Variants in ATXN1 observed in about 807,000 individuals in gnomAD.
The protein encoded by ATXN1 is ataxin-1.
In ATXN1, 8 loss-of-function variants were observed where a neutral mutation model predicts 56.4. The ratio of observed to expected loss-of-function variants is 0.14; its 90% CI spans 0.08 to 0.26. The LOEUF is 0.26. Among genes scored for constraint, ATXN1 ranks in the 10% least tolerant of loss-of-function variants. ATXN1 has a pLI of 1.00. For synonymous variants in ATXN1, 514 were observed against 494.6 expected, an observed-to-expected ratio of 1.04 and a Z score of -0.52; for missense variants, 987 against 1,106.5, an observed-to-expected ratio of 0.89 and a Z score of 1.53.
chr6:16,481,387 C>T (rs981459), intron 6 of ATXN1, among the ~76,000 whole-genome samples: 70,958 of 151,788 alleles, frequency 0.47, 16,911 homozygotes, highest in Non-Finnish European at 0.51. Flanking sequence ...TTAGAGTGTG[C>T]GTGTGTGTGC....
At chr6:16,662,056 T>C (rs568083172) in intron 2 of ATXN1, among the ~76,000 whole-genome samples, 3 of 152,326 alleles carry the variant, frequency 2.0e-5, no homozygotes, top group Admixed American at 1.3e-4. Context: ...TGAAACACTC[T>C]TCTGGGAACT....
intron 2 of ATXN1, among the ~76,000 whole-genome samples, chr6:16,686,503 C>CACAGTTTTGCGTGG (rs6149447): frequency 1.3e-5 from 2 of 151,924 alleles, no homozygotes. Flanking sequence ...GCATGCAACA[C>CACAGTTTTGCGTGG]ATTATGCCGA....
rs188203114 is a variant in ATXN1, at chr6:16,520,557, A to G, written c.-299+2070T>C. Among the ~76,000 whole-genome samples the G allele has an allele frequency of 3.9e-5, 6 of 152,280 alleles. No individual in the cohort carries two copies. In the East Asian group the frequency reaches 9.6e-4, roughly 24 times the overall value. On this transcript the variant is annotated intron_variant, in intron 5 of 7. Coordinates refer to ENST00000436367, the MANE Select transcript of ATXN1 (RefSeq NM_001128164.2). ...TTTACCCAAAGAATCCTATGATGTA[A>G]GCATGGAAATGGACATTTCTTCACT...
At chr6:16,497,258 G>C (rs1274802839) in intron 5 of ATXN1, among the ~76,000 whole-genome samples, 1 of 151,422 alleles carries the variant, frequency 6.6e-6, no homozygotes, top group Non-Finnish European at 1.5e-5. Context: ...TCAGATTGCA[G>C]CATTCCTCCC....
At chr6:16,400,024 G>C (rs1292795646) in intron 6 of ATXN1, among the ~76,000 whole-genome samples, 2 of 152,140 alleles carry the variant, frequency 1.3e-5, no homozygotes, top group Non-Finnish European at 2.9e-5. Context: ...GGAGCATGTG[G>C]GAAATGCAGA....
chr6:16,503,451 C>T (rs1209027672), intron 5 of ATXN1, among the ~76,000 whole-genome samples: 3 of 152,202 alleles, frequency 2.0e-5, no homozygotes, highest in Non-Finnish European at 4.4e-5. Flanking sequence ...TCCATGCTGT[C>T]CCTTGGCAGG....
chr6:16,639,489 T>A (rs1763666426), intron 3 of ATXN1, among the ~76,000 whole-genome samples: 1 of 152,144 alleles, frequency 6.6e-6, no homozygotes, highest in African/African-American at 2.4e-5. Context: ...AATTTTGTAT[T>A]TTTAGTAGAG....
At chr6:16,732,729 T>C (rs1022462467) in intron 2 of ATXN1, among the ~76,000 whole-genome samples, 16 of 152,182 alleles carry the variant, frequency 1.1e-4, no homozygotes, top group African/African-American at 3.6e-4. Context: ...AAAACATACA[T>C]ATGTAAATAT....
At chr6:16,557,910 A>G (rs1259126279) in intron 4 of ATXN1, among the ~76,000 whole-genome samples, 1 of 152,250 alleles carries the variant, frequency 6.6e-6, no homozygotes, top group Admixed American at 6.5e-5. Flanking sequence ...TGGAAAAGTC[A>G]GTTGTGTAAG....
At chr6:16,707,808 A>C (rs1447005680) in intron 2 of ATXN1, among the ~76,000 whole-genome samples, 1 of 152,210 alleles carries the variant, frequency 6.6e-6, no homozygotes, top group Non-Finnish European at 1.5e-5. Flanking sequence ...CTATGTTTAT[A>C]CCTAAGTTTA....
chr6:16,421,767 C>T (rs1325672446), intron 6 of ATXN1, among the ~76,000 whole-genome samples: 1 of 151,796 alleles, frequency 6.6e-6, no homozygotes, highest in Non-Finnish European at 1.5e-5. Context: ...AGTGTGCATA[C>T]AAGTACATGT....
chr6:16,359,665 C>T (rs533699246), intron 6 of ATXN1, among the ~76,000 whole-genome samples: 2 of 152,108 alleles, frequency 1.3e-5, no homozygotes, highest in Non-Finnish European at 2.9e-5. Context: ...GAGGAGCTCC[C>T]CACTCCTCCG....
At chr6:16,312,709 A>G (rs1361835616) in intron 7 of ATXN1, among the ~76,000 whole-genome samples, 6 of 152,234 alleles carry the variant, frequency 3.9e-5, no homozygotes, top group African/African-American at 1.4e-4. Flanking sequence ...CTGAAGGAGC[A>G]TTATGACCTG....
intron 2 of ATXN1, among the ~76,000 whole-genome samples, chr6:16,745,933 C>CGTGTGTGTGTGTGTGT (rs60773814): frequency 1.8e-4 from 27 of 147,236 alleles, no homozygotes; most frequent in Non-Finnish European, 2.4e-4. Context: ...CTATGCCTTC[C>CGTGTGTGTGTGTGTGT]GTGTGTGTGT....
intron 6 of ATXN1, among the ~76,000 whole-genome samples, chr6:16,423,668 G>A (rs975338600): frequency 1.3e-5 from 2 of 152,142 alleles, no homozygotes; most frequent in African/African-American, 4.8e-5. Flanking sequence ...AGGCTCTCAA[G>A]GATTAACCTC....
chr6:16,497,339 T>C (rs906526531), intron 5 of ATXN1, among the ~76,000 whole-genome samples: 18 of 152,012 alleles, frequency 1.2e-4, no homozygotes, highest in Non-Finnish European at 2.5e-4. Context: ...AAGATTCCCA[T>C]TCCTGCTGAC....
rs954281125 is a variant in ATXN1, at chr6:16,474,995, C to T, written c.-161+10977G>A. ...GTTTTTACCTATCACCACCTAGACA[C>T]GGTAACCACATCAAAATGTATTTTA... is the stretch of plus-strand genomic sequence containing the variant. On this transcript the variant is annotated intron_variant, in intron 6 of 7. Coordinates refer to ENST00000436367, the MANE Select transcript of ATXN1 (RefSeq NM_001128164.2). 4.6e-5 allele frequency among the ~76,000 whole-genome samples: 7 copies of T among 152,144 alleles called. No individual in the cohort carries two copies. In the East Asian group the frequency reaches 7.7e-4, roughly 17 times the overall value.
chr6:16,638,115 T>C (rs564163967), intron 3 of ATXN1, among the ~76,000 whole-genome samples: 1 of 151,800 alleles, frequency 6.6e-6, no homozygotes, highest in Non-Finnish European at 1.5e-5. Flanking sequence ...AGTCAAGGGG[T>C]AGAGGAGTGT....
At chr6:16,732,569 T>TCA (rs961447910) in intron 2 of ATXN1, among the ~76,000 whole-genome samples, 2 of 151,838 alleles carry the variant, frequency 1.3e-5, no homozygotes, top group South Asian at 4.2e-4. Flanking sequence ...AGACTCCATC[T>TCA]CACACACACA....
Sources: gnomAD v4.1 joint callset for allele counts (sites outside exome capture counted in the v4.1 genomes callset) on GRCh38, gnomAD v4.1.1 for gene constraint, MANE v1.5 for transcripts, NCBI Gene and HGNC (gene_info 2026-07-23, HGNC 2026-07-21) for gene names.